Variants in ANKMY2 observed in about 807,000 individuals in gnomAD.
The protein encoded by ANKMY2 is ankyrin repeat and MYND domain-containing protein 2.
Under a neutral mutation model 50.4 loss-of-function variants are expected in ANKMY2, and 36 were observed. The observed-to-expected ratio is 0.71, with a 90% CI of 0.55 to 0.94. ANKMY2 has a LOEUF of 0.94. Among genes scored for constraint, ANKMY2 ranks in the 40% least tolerant of loss-of-function variants. The pLI is 0.00. For missense variants in ANKMY2, 565 were observed against 524.0 expected, an observed-to-expected ratio of 1.08 and a Z score of -0.76; for synonymous variants, 187 against 178.8, an observed-to-expected ratio of 1.05 and a Z score of -0.36.
In ANKMY2 at chr7:16,610,718, C is replaced by T. The variant is rs1583669851; in HGVS notation, c.577G>A (p.Ala193Thr). The change falls in exon 6 of 10, where the codon GCC becomes ACC. Residue 193 changes from alanine (A) to threonine (T), a missense_variant. Coordinates refer to ENST00000306999, the MANE Select transcript of ANKMY2 (RefSeq NM_020319.3). The part of the protein sequence containing the change: ...NENPLLTEEA[A>T]LNKCYRVMDL... ...ATCACTCTGTAGCATTTATTCAGGG[C>T]TGCTTCTTCTGTCAGCAGAGGATTC... The T allele has an allele frequency of 5.0e-6, 8 of 1,613,934 alleles. No individual in the cohort carries two copies. In the East Asian group the frequency reaches 1.8e-4, roughly 36 times the overall value.
intron 1 of ANKMY2, among the ~76,000 whole-genome samples, chr7:16,640,310 T>A (rs73312718): frequency 0.078 from 11,834 of 152,214 alleles, 924 homozygotes; most frequent in African/African-American, 0.19. Context: ...TAAGCCTTTA[T>A]TAGATCTTCT....
intron 5 of ANKMY2, among the ~76,000 whole-genome samples, chr7:16,613,481 T>G (rs1278754751): frequency 6.6e-6 from 1 of 152,122 alleles, no homozygotes; most frequent in African/African-American, 2.4e-5. Flanking sequence ...GCGAATAGAT[T>G]GTTTATACCT....
chr7:16,615,472 C>T (rs1403070745), intron 5 of ANKMY2, among the ~76,000 whole-genome samples: 4 of 152,212 alleles, frequency 2.6e-5, no homozygotes, highest in Non-Finnish European at 5.9e-5. Flanking sequence ...CACTCCAGAG[C>T]TCCCGGTGGG....
chr7:16,644,528 C>A (rs1466055545), intron 1 of ANKMY2: 3 of 338,872 alleles, frequency 8.9e-6, no homozygotes, highest in Admixed American at 8.0e-5. Flanking sequence ...ACTGGGAAGC[C>A]TTATGCTGCA....
At chr7:16,625,428 T>C (rs1274309161) in intron 3 of ANKMY2, among the ~76,000 whole-genome samples, 1 of 152,192 alleles carries the variant, frequency 6.6e-6, no homozygotes, top group Non-Finnish European at 1.5e-5. Flanking sequence ...ATAAAATGAA[T>C]AGGATTCCCC....
intron 4 of ANKMY2, among the ~76,000 whole-genome samples, chr7:16,619,812 G>C (rs1448183118): frequency 6.6e-6 from 1 of 152,146 alleles, no homozygotes; most frequent in Non-Finnish European, 1.5e-5. Context: ...AGGGCTCACT[G>C]AGTGTGATTA....
chr7:16,610,288 G>C (rs1050103663), intron 6 of ANKMY2, among the ~76,000 whole-genome samples: 1 of 152,146 alleles, frequency 6.6e-6, no homozygotes, highest in Non-Finnish European at 1.5e-5. Flanking sequence ...TCTTACACAT[G>C]TTATTTAACC....
intron 6 of ANKMY2, among the ~76,000 whole-genome samples, chr7:16,610,043 G>C (rs1781222895): frequency 6.6e-6 from 1 of 152,140 alleles, no homozygotes; most frequent in Non-Finnish European, 1.5e-5. Flanking sequence ...TACCATGTCA[G>C]TTATTTGTAC....
intron 5 of ANKMY2, among the ~76,000 whole-genome samples, chr7:16,614,456 T>C (rs1781308748): frequency 6.6e-6 from 1 of 152,192 alleles, no homozygotes; most frequent in South Asian, 2.1e-4. Flanking sequence ...GGGAAAGGTA[T>C]CTACTAGTTT....
chr7:16,623,163 G>A (rs1252691515), intron 4 of ANKMY2, among the ~76,000 whole-genome samples: 3 of 152,118 alleles, frequency 2.0e-5, no homozygotes, highest in South Asian at 2.1e-4. Flanking sequence ...ATGTATGTAC[G>A]CATGTATACA....
At chr7:16,632,714 C>T (rs1781606147) in intron 2 of ANKMY2, among the ~76,000 whole-genome samples, 1 of 152,166 alleles carries the variant, frequency 6.6e-6, no homozygotes, top group Non-Finnish European at 1.5e-5. Flanking sequence ...TATAAACATG[C>T]ATTTGCATAT....
chr7:16,609,221 C>T (rs1303211372), intron 7 of ANKMY2, among the ~76,000 whole-genome samples: 1 of 152,098 alleles, frequency 6.6e-6, no homozygotes, highest in Non-Finnish European at 1.5e-5. Flanking sequence ...CATGGCTTAT[C>T]CCACTACATC....
intron 4 of ANKMY2, among the ~76,000 whole-genome samples, chr7:16,618,679 A>C (rs1336100790): frequency 1.3e-5 from 2 of 152,232 alleles, no homozygotes; most frequent in Non-Finnish European, 1.5e-5. Context: ...AAATGAGCCA[A>C]GGTGCTCTGT....
intron 6 of ANKMY2, among the ~76,000 whole-genome samples, chr7:16,610,256 G>A (rs1352871682): frequency 6.6e-6 from 1 of 152,034 alleles, no homozygotes; most frequent in Non-Finnish European, 1.5e-5. Context: ...ATTTGGACTT[G>A]GGCCACTTTC....
intron 5 of ANKMY2, among the ~76,000 whole-genome samples, chr7:16,611,046 T>C (rs1410058766): frequency 6.6e-6 from 1 of 152,246 alleles, no homozygotes. Context: ...GAGCACATGA[T>C]TTTACAGTCT....
chr7:16,637,178 A>T lies in ANKMY2; in HGVS notation c.68-723T>A, dbSNP rs544238748. 3.5e-3 allele frequency among the ~76,000 whole-genome samples: 526 copies of T among 152,324 alleles called. 8 individuals carry two copies. Among genetic ancestry groups the T allele is most frequent in the African/African-American group, 0.012 (503 of 41,572 alleles). On this transcript the variant is annotated intron_variant, in intron 1 of 9. Transcript: ENST00000306999. Reference sequence around the variant, plus strand: ...AGCCAGCCACACATTTTGCCAAGAAATTTCTGGTTTTACTGGGAAGAGAAG... The same window carrying T: ...AGCCAGCCACACATTTTGCCAAGAATTTTCTGGTTTTACTGGGAAGAGAAG...
intron 1 of ANKMY2, among the ~76,000 whole-genome samples, chr7:16,643,382 G>A (rs567560614): frequency 6.6e-6 from 1 of 152,314 alleles, no homozygotes; most frequent in Admixed American, 6.5e-5. Flanking sequence ...GTTGGCTATG[G>A]TTGTTTTTCT....
At chr7:16,610,468 G>T (rs771369696) in intron 6 of ANKMY2, 81 bp downstream of exon 6, 296 of 1,192,790 alleles carry the variant, frequency 2.5e-4, no homozygotes, top group Non-Finnish European at 3.3e-4. Flanking sequence ...GTTTAATTTT[G>T]AAACACATAA....
chr7:16,629,842 C>G (rs1781556645), intron 2 of ANKMY2, among the ~76,000 whole-genome samples: 1 of 152,020 alleles, frequency 6.6e-6, no homozygotes, highest in Non-Finnish European at 1.5e-5. Flanking sequence ...TATCTTGGTT[C>G]TAGTACCATG....
Sources: allele counts gnomAD v4.1 joint callset (sites outside exome capture counted in the v4.1 genomes callset), GRCh38; gene constraint gnomAD v4.1.1; transcripts MANE v1.5; gene names NCBI Gene and HGNC (gene_info 2026-07-23, HGNC 2026-07-21).